PANX1: variants seen among roughly 807,000 people sequenced by gnomAD.
The protein encoded by PANX1 is pannexin 1.
In PANX1, 30 loss-of-function variants were observed where a neutral mutation model predicts 38.7. The ratio of observed to expected loss-of-function variants is 0.78; its 90% CI spans 0.58 to 1.05. The LOEUF is 1.05. Ranked by LOEUF, PANX1 falls within the 50% of genes least tolerant of loss-of-function variation. The pLI is 0.00. For synonymous variants in PANX1, 230 were observed against 212.2 expected (o/e 1.08, Z -0.73); for missense variants, 551 against 517.2 (o/e 1.07, Z -0.63).
At chr11:94,177,276 A>C (rs1412683999) in intron 2 of PANX1, among the ~76,000 whole-genome samples, 4 of 151,016 alleles carry the variant, frequency 2.6e-5, no homozygotes, top group African/African-American at 4.9e-5. Flanking sequence ...TGAGGGTTCT[A>C]ATTAGGGAAC....
intron 1 of PANX1, among the ~76,000 whole-genome samples, chr11:94,148,522 C>G (rs764172805): frequency 8.5e-5 from 13 of 152,158 alleles, no homozygotes; most frequent in Non-Finnish European, 1.5e-4. Flanking sequence ...CATCTCTTCT[C>G]TATACCACAC....
chr11:94,154,525 G>A (rs1356491840), intron 2 of PANX1, among the ~76,000 whole-genome samples: 1 of 152,148 alleles, frequency 6.6e-6, no homozygotes, highest in Admixed American at 6.5e-5. Context: ...AGAAAATATA[G>A]AATTTTAGCT....
chr11:94,130,012 G>T (rs1268987841), intron 1 of PANX1, among the ~76,000 whole-genome samples: 1 of 152,214 alleles, frequency 6.6e-6, no homozygotes, highest in East Asian at 1.9e-4. Flanking sequence ...TCTGCACTTG[G>T]CAGGCATTAG....
chr11:94,133,801 T>C (rs1946656986), intron 1 of PANX1, among the ~76,000 whole-genome samples: 1 of 152,204 alleles, frequency 6.6e-6, no homozygotes, highest in Admixed American at 6.5e-5. Context: ...CTTCCTCTTG[T>C]CTTCTACCAT....
chr11:94,147,907 A>G (rs1400038171), intron 1 of PANX1, among the ~76,000 whole-genome samples: 3 of 152,070 alleles, frequency 2.0e-5, no homozygotes, highest in Non-Finnish European at 4.4e-5. Flanking sequence ...TTGGGGAGGG[A>G]AGCATCTGGG....
intron 2 of PANX1, among the ~76,000 whole-genome samples, chr11:94,167,506 C>T (rs997706990): frequency 3.9e-5 from 6 of 152,118 alleles, no homozygotes; most frequent in Admixed American, 3.3e-4. Context: ...ATTCAGCACT[C>T]ACTAGGAAAT....
intron 2 of PANX1, among the ~76,000 whole-genome samples, chr11:94,170,890 C>A (rs74496946): frequency 6.6e-6 from 1 of 151,758 alleles, no homozygotes; most frequent in Non-Finnish European, 1.5e-5. Flanking sequence ...TGCTGTCCAG[C>A]AGGGGAGCCC....
chr11:94,171,278 C>T (rs1456797883), intron 2 of PANX1, among the ~76,000 whole-genome samples: 2 of 151,666 alleles, frequency 1.3e-5, no homozygotes, highest in Non-Finnish European at 2.9e-5. Context: ...TAACTTCAGG[C>T]ATCCCACTCC....
intron 2 of PANX1, 139 bp downstream of exon 2, chr11:94,153,769 A>G (rs1946913374): frequency 3.9e-6 from 3 of 760,366 alleles, no homozygotes; most frequent in Admixed American, 6.0e-5. Context: ...GTAGCACCTT[A>G]TAGTCAAAAA....
chr11:94,166,453 T>C lies in PANX1; in HGVS notation c.322-11916T>C, dbSNP rs144694085. ...TGATATTCTAGGTTGGAAGCTTTTTTCCTTTAGTGCTTTGAATATGTCATC... is the reference window on the plus strand; with the variant it reads ...TGATATTCTAGGTTGGAAGCTTTTTCCCTTTAGTGCTTTGAATATGTCATC... On this transcript the variant is annotated intron_variant, in intron 2 of 4. Coordinates refer to ENST00000227638, the MANE Select transcript of PANX1 (RefSeq NM_015368.4). Among the ~76,000 whole-genome samples the C allele has an allele frequency of 2.2e-3, 330 of 152,328 alleles. 2 individuals carry two copies. Among genetic ancestry groups the C allele is most frequent in the East Asian group, 0.017 (90 of 5,182 alleles).
Position 94,180,159 on chromosome 11 carries a change from C to G in PANX1, c.1103C>G (p.Thr368Arg). 6.2e-7 allele frequency: 1 copy of G among 1,614,002 alleles called. No individual in the cohort carries two copies. Among genetic ancestry groups the G allele is most frequent in the Non-Finnish European group, 8.5e-7 (1 of 1,179,950 alleles). The change falls in exon 4 of 5, where the codon ACA becomes AGA. Residue 368 changes from threonine (T) to arginine (R), a missense_variant. Coordinates refer to ENST00000227638, the MANE Select transcript of PANX1 (RefSeq NM_015368.4). ...GGGATCGACCCAATGCTACTCCTGACAAACCTTGGCATGATCAAGATGGAT... is the reference window on the plus strand; with the variant it reads ...GGGATCGACCCAATGCTACTCCTGAGAAACCTTGGCATGATCAAGATGGAT... ...GQGIDPMLLL[T>R]NLGMIKMDVV...
chr11:94,171,906 CT>C (rs58904240), intron 2 of PANX1, among the ~76,000 whole-genome samples: 8 of 145,246 alleles, frequency 5.5e-5, no homozygotes, highest in Admixed American at 1.4e-4. Context: ...TGAGAACTGG[CT>C]TTTTTTTTTC....
intron 3 of PANX1, among the ~76,000 whole-genome samples, chr11:94,178,806 C>A (rs1323295840): frequency 6.6e-6 from 1 of 152,176 alleles, no homozygotes; most frequent in Non-Finnish European, 1.5e-5. Context: ...GTTTATCCTT[C>A]TGTCAAGACT....
At chr11:94,168,527 CAA>C (rs1257341749) in intron 2 of PANX1, among the ~76,000 whole-genome samples, 5 of 150,882 alleles carry the variant, frequency 3.3e-5, no homozygotes, top group Admixed American at 3.3e-4. Context: ...TCCAAGAAGG[CAA>C]AGAGCAAACA....
chr11:94,149,108 A>G (rs1946856883), intron 1 of PANX1, among the ~76,000 whole-genome samples: 1 of 152,158 alleles, frequency 6.6e-6, no homozygotes, highest in Admixed American at 6.5e-5. Flanking sequence ...TGTGTTATTA[A>G]TGCATGAGAA....
intron 1 of PANX1, among the ~76,000 whole-genome samples, chr11:94,149,506 T>C (rs1189154375): frequency 3.9e-5 from 6 of 152,198 alleles, no homozygotes; most frequent in Non-Finnish European, 7.4e-5. Context: ...GAGCACACGT[T>C]TTCTCCTGGT....
At chr11:94,130,524 T>C (rs1028819641) in intron 1 of PANX1, among the ~76,000 whole-genome samples, 1 of 152,180 alleles carries the variant, frequency 6.6e-6, no homozygotes, top group Non-Finnish European at 1.5e-5. Context: ...TGTGAAGTTA[T>C]TGTTTGAGCA....
intron 2 of PANX1, among the ~76,000 whole-genome samples, chr11:94,167,170 C>A (rs938222916): frequency 8.5e-5 from 13 of 152,158 alleles, no homozygotes; most frequent in Non-Finnish European, 1.5e-4. Context: ...AAGTCGCATA[C>A]TCATTTTGCT....
At chr11:94,149,095 C>A (rs1946856762) in intron 1 of PANX1, among the ~76,000 whole-genome samples, 1 of 152,066 alleles carries the variant, frequency 6.6e-6, no homozygotes, top group Non-Finnish European at 1.5e-5. Context: ...CAGGATCTAA[C>A]CCTGTGTTAT....
Sources: allele counts gnomAD v4.1 joint callset (sites outside exome capture counted in the v4.1 genomes callset), GRCh38; gene constraint gnomAD v4.1.1; transcripts MANE v1.5; gene names NCBI Gene and HGNC (gene_info 2026-07-23, HGNC 2026-07-21).